Variants in DAP3 observed in about 807,000 individuals in gnomAD.
The protein encoded by DAP3 is death associated protein 3.
DAP3 carries 28 observed loss-of-function variants against 51.9 expected under a neutral mutation model. The ratio of observed to expected loss-of-function variants is 0.54; its 90% confidence interval spans 0.40 to 0.74. DAP3 has a LOEUF of 0.74. Among genes scored for constraint, DAP3 ranks in the 30% least tolerant of loss-of-function variants. The pLI, the probability that DAP3 is intolerant of heterozygous loss-of-function variation, is 0.00. For synonymous variants in DAP3, 170 were observed against 170.3 expected (o/e 1.00, Z 0.01); for missense variants, 458 against 483.5 (o/e 0.95, Z 0.49).
chr1:155,720,199 C>A (rs1657814134), intron 3 of DAP3, among the ~76,000 whole-genome samples: 1 of 151,572 alleles, frequency 6.6e-6, no homozygotes, highest in Non-Finnish European at 1.5e-5. Flanking sequence ...GTGGTGCACA[C>A]CTGTGGTCCC....
chr1:155,727,865 A>G, intron 7 of DAP3, 127 bp downstream of exon 7: 3 of 1,194,380 alleles, frequency 2.5e-6, no homozygotes, highest in Non-Finnish European at 1.1e-6. Flanking sequence ...AATTTCTTTC[A>G]TACGTTTTGC....
chr1:155,708,954 G>C (rs1406306546), intron 1 of DAP3: 6 of 152,042 alleles, frequency 3.9e-5, no homozygotes, highest in Admixed American at 2.0e-4. Flanking sequence ...GCCCGCCTCG[G>C]CCTCCCAAAG....
intron 1 of DAP3, among the ~76,000 whole-genome samples, chr1:155,694,195 C>T (rs1292723166): frequency 7.1e-6 from 1 of 141,208 alleles, no homozygotes; most frequent in Admixed American, 6.6e-5. Flanking sequence ...TTTTAGGCAA[C>T]CGACAGCTGG....
chr1:155,689,840 C>A (rs1486929285), intron 1 of DAP3, among the ~76,000 whole-genome samples: 2 of 152,026 alleles, frequency 1.3e-5, no homozygotes, highest in Non-Finnish European at 2.9e-5. Context: ...TGAACCCGGG[C>A]GGCGGAAGTT....
At chr1:155,719,226 T>C (rs1557783966) in intron 3 of DAP3, among the ~76,000 whole-genome samples, 3 of 111,440 alleles carry the variant, frequency 2.7e-5, no homozygotes, top group Non-Finnish European at 5.3e-5. Context: ...ACCCTAACTC[T>C]AAAACAATTT....
chr1:155,690,316 C>T (rs1571401031), intron 1 of DAP3, among the ~76,000 whole-genome samples: 2 of 140,848 alleles, frequency 1.4e-5, no homozygotes, highest in South Asian at 2.1e-4. Context: ...CTTTGGGAGG[C>T]GGAGGAGGGC....
intron 1 of DAP3, among the ~76,000 whole-genome samples, chr1:155,695,465 T>A (rs1654393545): frequency 6.6e-6 from 1 of 152,124 alleles, no homozygotes; most frequent in Non-Finnish European, 1.5e-5. Flanking sequence ...TGTTAATGAG[T>A]GGAAAGTCTG....
intron 8 of DAP3, 39 bp from the exon 9 acceptor site, chr1:155,729,169 G>C: frequency 6.2e-7 from 1 of 1,614,066 alleles, no homozygotes; most frequent in South Asian, 1.1e-5. Context: ...ACAAGAGAAG[G>C]CCTCTGGTAG....
At chr1:155,727,869 G>C (rs984723544) in intron 7 of DAP3, 131 bp downstream of exon 7, 1 of 1,158,526 alleles carries the variant, frequency 8.6e-7, no homozygotes, top group Non-Finnish European at 1.2e-6. Flanking sequence ...TCTTTCATAC[G>C]TTTTGCTCAC....
intron 1 of DAP3, among the ~76,000 whole-genome samples, chr1:155,696,906 C>A (rs1158076097): frequency 6.6e-6 from 1 of 152,154 alleles, no homozygotes; most frequent in Non-Finnish European, 1.5e-5. Flanking sequence ...TAACAAGCAG[C>A]CAGTCTTTAG....
chr1:155,704,681 G>T (rs886379220), intron 1 of DAP3, among the ~76,000 whole-genome samples: 1 of 152,090 alleles, frequency 6.6e-6, no homozygotes. Context: ...GTGCTTTGGC[G>T]TCTTCATTAA....
chr1:155,688,398 C>T (rs770337647), upstream of DAP3: 4 of 1,543,488 alleles, frequency 2.6e-6, no homozygotes, highest in Non-Finnish European at 3.5e-6. Flanking sequence ...AGCGACACCC[C>T]CAACCTCCCA....
intron 2 of DAP3, among the ~76,000 whole-genome samples, chr1:155,716,068 C>T (rs929195633): frequency 1.3e-5 from 2 of 152,146 alleles, no homozygotes; most frequent in African/African-American, 2.4e-5. Context: ...GCTGTGCAAG[C>T]GCATTAAAAG....
chr1:155,707,544 G>A (rs1031087542), intron 1 of DAP3, among the ~76,000 whole-genome samples: 2 of 151,850 alleles, frequency 1.3e-5, no homozygotes, highest in South Asian at 4.2e-4. Context: ...CAAAAGATTC[G>A]GGCTTTTAAA....
At chr1:155,697,897 G>A (rs1654731093) in intron 1 of DAP3, among the ~76,000 whole-genome samples, 1 of 152,192 alleles carries the variant, frequency 6.6e-6, no homozygotes, top group Non-Finnish European at 1.5e-5. Flanking sequence ...TCCCAGAGCA[G>A]CGATTTTACA....
intron 12 of DAP3, 119 bp from the exon 13 acceptor site, chr1:155,738,038 G>A (rs1054973263): frequency 2.2e-6 from 2 of 903,362 alleles, no homozygotes; most frequent in Non-Finnish European, 3.5e-6. Flanking sequence ...GATCTCTTGG[G>A]AGATGATAAT....
upstream of DAP3, chr1:155,688,883 T>G: frequency 6.2e-7 from 1 of 1,611,288 alleles, no homozygotes; most frequent in Non-Finnish European, 8.5e-7. Flanking sequence ...GGCTTGCCGT[T>G]TGACTGGAAT....
chr1:155,727,763 T>G (rs111474021), intron 7 of DAP3, 25 bp downstream of exon 7: 9 of 1,611,210 alleles, frequency 5.6e-6, no homozygotes, highest in Non-Finnish European at 7.6e-6. Context: ...AGAAGTTGAG[T>G]GCTAGGTAGT....
intron 1 of DAP3, among the ~76,000 whole-genome samples, chr1:155,699,907 C>T (rs1349208627): frequency 6.6e-6 from 1 of 152,102 alleles, no homozygotes; most frequent in East Asian, 1.9e-4. Context: ...TGAGCCACTG[C>T]ACCTGACCCT....
Sources: allele counts gnomAD v4.1 joint callset (sites outside exome capture counted in the v4.1 genomes callset), GRCh38; gene constraint gnomAD v4.1.1; transcripts MANE v1.5; gene names NCBI Gene and HGNC (gene_info 2026-07-23, HGNC 2026-07-21).